Variants in CNTNAP2 observed in about 807,000 individuals in gnomAD.
The protein encoded by CNTNAP2 is contactin associated protein 2.
CNTNAP2 carries 98 observed loss-of-function variants against 155.2 expected under a neutral mutation model. The ratio of observed to expected loss-of-function variants is 0.63; its 90% CI spans 0.54 to 0.75. The LOEUF (loss-of-function observed/expected upper bound fraction) is 0.75, where lower values mean the gene tolerates loss of function less well. Ranked by LOEUF, CNTNAP2 falls within the 30% of genes least tolerant of loss-of-function variation. The probability of loss-of-function intolerance (pLI) is 0.00; values close to 1 mark genes in which losing one functional copy is unlikely to be tolerated. For synonymous variants in CNTNAP2, 651 were observed against 631.2 expected (o/e 1.03, Z -0.47); for missense variants, 1,727 against 1,688.1 (o/e 1.02, Z -0.40).
At chr7:147,350,531 T>G (rs968806865) in intron 9 of CNTNAP2, among the ~76,000 whole-genome samples, 2 of 151,902 alleles carry the variant, frequency 1.3e-5, no homozygotes, top group African/African-American at 4.8e-5. Flanking sequence ...AAATAAAATT[T>G]AATTGAACAT....
chr7:146,136,866 A>G (rs1797805554), intron 1 of CNTNAP2, among the ~76,000 whole-genome samples: 1 of 152,180 alleles, frequency 6.6e-6, no homozygotes, highest in African/African-American at 2.4e-5. Context: ...TCGAAGTGTC[A>G]AAATAGCAGT....
chr7:147,521,910 C>G (rs1360877115), intron 11 of CNTNAP2, among the ~76,000 whole-genome samples: 3 of 152,168 alleles, frequency 2.0e-5, no homozygotes, highest in Non-Finnish European at 4.4e-5. Flanking sequence ...CTACCAAATA[C>G]CATCTGTTAG....
chr7:146,950,936 C>T (rs1026985651), intron 3 of CNTNAP2, among the ~76,000 whole-genome samples: 1 of 152,156 alleles, frequency 6.6e-6, no homozygotes, highest in Non-Finnish European at 1.5e-5. Context: ...CCTATTTCTC[C>T]ACATCCTCTC....
intron 1 of CNTNAP2, among the ~76,000 whole-genome samples, chr7:146,152,988 A>G (rs897680292): frequency 3.9e-5 from 6 of 152,156 alleles, no homozygotes; most frequent in African/African-American, 1.4e-4. Flanking sequence ...GAAATACTTC[A>G]ATCAATTTTC....
At position 146,360,223 on chromosome 7, in the gene CNTNAP2, C is replaced by T. The variant is rs565735434; in HGVS notation, c.97+243250C>T. Among the ~76,000 whole-genome samples, 27 of 152,264 alleles carry T rather than the reference C, an allele frequency of 1.8e-4. No homozygotes were observed. In the East Asian group the frequency reaches 3.5e-3, roughly 20 times the overall value. ...AGTACACTTCCCTTGCCTCCTTGCC[C>T]GCAAACTCCTTTTCATTCAGGTGTC... is the stretch of plus-strand genomic sequence containing the variant. On this transcript the variant is annotated intron_variant, in intron 1 of 23. Coordinates refer to ENST00000361727, the MANE Select transcript of CNTNAP2 (RefSeq NM_014141.6).
chr7:147,671,134 C>T (rs1016745514), intron 13 of CNTNAP2, among the ~76,000 whole-genome samples: 1 of 152,202 alleles, frequency 6.6e-6, no homozygotes, highest in Non-Finnish European at 1.5e-5. Flanking sequence ...CTCCTGCCTG[C>T]GCTGAAGCAG....
Position 146,382,738 on chromosome 7 carries a change from A to G in CNTNAP2, c.97+265765A>G, listed in dbSNP as rs532723487. On this transcript the variant is annotated intron_variant, in intron 1 of 23. Coordinates refer to ENST00000361727, the MANE Select transcript of CNTNAP2 (RefSeq NM_014141.6). ...TCCATATCAGGATCTGCTTAAACAA[A>G]TAAAGTTAGCAGTCCTCATTAGTGC... Among the ~76,000 whole-genome samples the G allele has an allele frequency of 7.2e-5, 11 of 152,320 alleles. 1 individual carries two copies. The South Asian group carries it at 2.3e-3, about 32-fold the overall frequency.
chr7:146,537,886 A>C (rs1167051800), intron 1 of CNTNAP2, among the ~76,000 whole-genome samples: 1 of 152,044 alleles, frequency 6.6e-6, no homozygotes, highest in Non-Finnish European at 1.5e-5. Context: ...ATTGAATGAA[A>C]CTACAATGGC....
intron 3 of CNTNAP2, among the ~76,000 whole-genome samples, chr7:146,893,372 A>G (rs761360075): frequency 3.4e-4 from 52 of 151,970 alleles, no homozygotes; most frequent in Non-Finnish European, 5.6e-4. Flanking sequence ...AGATAAATCT[A>G]TCATATATCT....
chr7:147,086,449 CT>C (rs1353282537), intron 4 of CNTNAP2, among the ~76,000 whole-genome samples: 1 of 151,486 alleles, frequency 6.6e-6, no homozygotes, highest in Non-Finnish European at 1.5e-5. Flanking sequence ...TTTTAAATTA[CT>C]TTTTTGAGAC....
At chr7:148,272,024 A>G (rs1270442873) in intron 21 of CNTNAP2, among the ~76,000 whole-genome samples, 1 of 152,158 alleles carries the variant, frequency 6.6e-6, no homozygotes, top group East Asian at 1.9e-4. Context: ...ATGACTTCAC[A>G]CTGAGCTCTT....
At chr7:146,728,317 G>C (rs1023245047) in intron 1 of CNTNAP2, among the ~76,000 whole-genome samples, 3 of 152,100 alleles carry the variant, frequency 2.0e-5, no homozygotes, top group African/African-American at 4.8e-5. Context: ...TGAGGGAGTG[G>C]GGAGGTCACG....
chr7:147,271,977 C>T (rs1000553220), intron 8 of CNTNAP2, among the ~76,000 whole-genome samples: 1 of 152,120 alleles, frequency 6.6e-6, no homozygotes, highest in South Asian at 2.1e-4. Context: ...ACTGCAACCT[C>T]CACCTCCTGG....
At chr7:147,516,625 T>C (rs74874697) in intron 11 of CNTNAP2, among the ~76,000 whole-genome samples, 90,528 of 150,466 alleles carry the variant, frequency 0.6, 28,411 homozygotes, top group Non-Finnish European at 0.71. Flanking sequence ...AGAATGTGTG[T>C]GTGTGTGTGT....
intron 13 of CNTNAP2, among the ~76,000 whole-genome samples, chr7:147,882,553 C>T (rs28447285): frequency 6.6e-6 from 1 of 152,166 alleles, no homozygotes; most frequent in Non-Finnish European, 1.5e-5. Flanking sequence ...AGGATTTATG[C>T]TATGCTGGAG....
chr7:147,127,401 T>A (rs1801262847), intron 6 of CNTNAP2, among the ~76,000 whole-genome samples: 1 of 151,962 alleles, frequency 6.6e-6, no homozygotes, highest in African/African-American at 2.4e-5. Flanking sequence ...TACCATCACC[T>A]CATAAACCAC....
At chr7:148,355,326 C>T (rs905692364) in intron 21 of CNTNAP2, among the ~76,000 whole-genome samples, 22 of 151,680 alleles carry the variant, frequency 1.5e-4, no homozygotes, top group African/African-American at 5.3e-4. Flanking sequence ...CCCAGCTGCT[C>T]TTTGTGGACA....
At chr7:146,336,482 G>A (rs925928848) in intron 1 of CNTNAP2, among the ~76,000 whole-genome samples, 1 of 151,538 alleles carries the variant, frequency 6.6e-6, no homozygotes, top group African/African-American at 2.4e-5. Context: ...ACATTTTTGA[G>A]CCCCAGGGCC....
At chr7:147,506,111 CA>C (rs1798901484) in intron 11 of CNTNAP2, among the ~76,000 whole-genome samples, 1 of 152,112 alleles carries the variant, frequency 6.6e-6, no homozygotes, top group East Asian at 1.9e-4. Context: ...TAGAGATAGT[CA>C]AAATGATTAA....
Sources: allele counts gnomAD v4.1 joint callset (sites outside exome capture counted in the v4.1 genomes callset), GRCh38; gene constraint gnomAD v4.1.1; transcripts MANE v1.5; gene names NCBI Gene and HGNC (gene_info 2026-07-23, HGNC 2026-07-21).